IMMP1L: variants seen among roughly 807,000 people sequenced by gnomAD.
The protein encoded by IMMP1L is inner mitochondrial membrane peptidase subunit 1, also known as mitochondrial inner membrane protease subunit 1.
Under a neutral mutation model 21.8 loss-of-function variants are expected in IMMP1L, and 24 were observed. The ratio of observed to expected loss-of-function variants is 1.10; its 90% CI spans 0.80 to 1.55. IMMP1L has a LOEUF of 1.55. Among genes scored for constraint, IMMP1L ranks in the 40% most tolerant of loss-of-function variants. IMMP1L has a pLI of 0.00. For missense variants in IMMP1L, 195 were observed against 200.7 expected (o/e 0.97, Z 0.17); for synonymous variants, 46 against 62.8 (o/e 0.73, Z 1.26).
intron 1 of IMMP1L, among the ~76,000 whole-genome samples, chr11:31,485,643 G>GTT (rs1955047764): frequency 1.3e-5 from 2 of 151,856 alleles, no homozygotes; most frequent in Admixed American, 1.3e-4. Flanking sequence ...AGGCAAATGC[G>GTT]TTGATTTTAA....
intron 4 of IMMP1L, among the ~76,000 whole-genome samples, chr11:31,439,475 T>TA (rs1432177206): frequency 1.3e-5 from 2 of 152,194 alleles, no homozygotes; most frequent in Non-Finnish European, 2.9e-5. Flanking sequence ...TCCTCAAAAA[T>TA]AGTTAGAATT....
chr11:31,453,112 C>CTGAT (rs1953814456), intron 4 of IMMP1L: 1 of 1,288,876 alleles, frequency 7.8e-7, no homozygotes, highest in South Asian at 1.2e-5. Flanking sequence ...AAAAATAAAG[C>CTGAT]TGATTTATAA....
intron 4 of IMMP1L, among the ~76,000 whole-genome samples, chr11:31,439,626 T>G (rs190834404): frequency 6.6e-6 from 1 of 152,326 alleles, no homozygotes; most frequent in South Asian, 2.1e-4. Context: ...GACACTCACT[T>G]GCTGAGTAGA....
At chr11:31,464,738 ATCACT>A (rs1225051403) in intron 1 of IMMP1L, among the ~76,000 whole-genome samples, 1 of 152,202 alleles carries the variant, frequency 6.6e-6, no homozygotes, top group African/African-American at 2.4e-5. Flanking sequence ...AAATTTCAAC[ATCACT>A]TCACGATACA....
intron 4 of IMMP1L, among the ~76,000 whole-genome samples, chr11:31,447,795 T>C (rs1386924281): frequency 6.6e-6 from 1 of 152,218 alleles, no homozygotes; most frequent in African/African-American, 2.4e-5. Context: ...ATACCTGCTT[T>C]TGTATCTATT....
intron 1 of IMMP1L, among the ~76,000 whole-genome samples, chr11:31,487,224 T>C (rs974534773): frequency 4.6e-5 from 7 of 152,024 alleles, no homozygotes; most frequent in Admixed American, 6.6e-5. Context: ...AAGAAATAAG[T>C]TACTATGCCT....
chr11:31,455,801 T>C (rs1263281631), intron 4 of IMMP1L, among the ~76,000 whole-genome samples: 1 of 152,188 alleles, frequency 6.6e-6, no homozygotes, highest in African/African-American at 2.4e-5. Context: ...ATTGAGGTTG[T>C]AACTTTTTTT....
At chr11:31,434,706 G>A (rs1261411037) in intron 4 of IMMP1L, among the ~76,000 whole-genome samples, 1 of 151,968 alleles carries the variant, frequency 6.6e-6, no homozygotes, top group African/African-American at 2.4e-5. Flanking sequence ...AAAGTCTTAT[G>A]TACAAATATT....
rs1726157490 is a variant in IMMP1L, at chr11:31,509,521, C to T, written c.-32G>A. On this transcript the variant is annotated splice_region_variant and 5_prime_UTR_variant, in exon 1 of 6. Coordinates refer to ENST00000532287, the MANE Select transcript of IMMP1L (RefSeq NM_001304274.2). ...GAACGTTACGTGATATTACCTACCT[C>T]GGGCCCCAAAGAACCCTGGAGACCC... is the stretch of plus-strand genomic sequence containing the variant. The T allele has an allele frequency of 1.8e-6, 1 of 540,970 alleles. No individual in the cohort carries two copies. The highest frequency in any genetic ancestry group is 3.3e-6 in the Non-Finnish European group (1 of 299,978). The allele number at this position is 540,970 out of a possible 1,614,324, so 33.5% of individuals were successfully genotyped here. A position where few individuals can be genotyped will look rare whatever the true frequency, so the allele number is the denominator to read the frequency against.
intron 4 of IMMP1L, among the ~76,000 whole-genome samples, chr11:31,441,106 T>C (rs975324963): frequency 1.2e-4 from 18 of 152,152 alleles, no homozygotes; most frequent in African/African-American, 4.3e-4. Flanking sequence ...AAAATATATA[T>C]TTCAAAATAT....
chr11:31,473,094 G>A (rs964517730), intron 1 of IMMP1L, among the ~76,000 whole-genome samples: 1 of 152,030 alleles, frequency 6.6e-6, no homozygotes, highest in East Asian at 1.9e-4. Flanking sequence ...CTGTCGCCCA[G>A]GCTGGAGTGT....
chr11:31,505,424 G>A (rs1955745686), intron 1 of IMMP1L, among the ~76,000 whole-genome samples: 1 of 152,180 alleles, frequency 6.6e-6, no homozygotes, highest in East Asian at 1.9e-4. Context: ...AGTGCCAGAT[G>A]ATGAGAAAGA....
At chr11:31,457,160 A>C (rs1454912523) in intron 3 of IMMP1L, among the ~76,000 whole-genome samples, 1 of 152,096 alleles carries the variant, frequency 6.6e-6, no homozygotes, top group Non-Finnish European at 1.5e-5. Context: ...ATTTGAGAAA[A>C]AAAATCAAAA....
intron 4 of IMMP1L, among the ~76,000 whole-genome samples, chr11:31,454,134 T>A (rs1176810216): frequency 2.0e-5 from 3 of 152,162 alleles, no homozygotes; most frequent in Non-Finnish European, 4.4e-5. Flanking sequence ...ACCAAGATTA[T>A]TAGAATGATG....
intron 1 of IMMP1L, among the ~76,000 whole-genome samples, chr11:31,471,173 T>G (rs1000918309): frequency 1.3e-5 from 2 of 152,252 alleles, no homozygotes; most frequent in African/African-American, 4.8e-5. Flanking sequence ...TTAATTACTC[T>G]GATTTGATCA....
At chr11:31,496,892 T>C (rs994126867) in intron 1 of IMMP1L, among the ~76,000 whole-genome samples, 4 of 148,040 alleles carry the variant, frequency 2.7e-5, no homozygotes, top group Admixed American at 1.4e-4. Context: ...ATATATATGA[T>C]CTTATATCAT....
At chr11:31,490,457 C>A (rs910657460) in intron 1 of IMMP1L, among the ~76,000 whole-genome samples, 1 of 147,762 alleles carries the variant, frequency 6.8e-6, no homozygotes, top group Non-Finnish European at 1.5e-5. Context: ...GGTGACAAAG[C>A]GAGACTCCAT....
intron 4 of IMMP1L, among the ~76,000 whole-genome samples, chr11:31,440,907 A>G (rs577664586): frequency 2.0e-4 from 30 of 152,192 alleles, no homozygotes; most frequent in African/African-American, 6.7e-4. Flanking sequence ...TCACTATGGT[A>G]TTTTCTGCAT....
intron 4 of IMMP1L, among the ~76,000 whole-genome samples, chr11:31,439,785 C>T (rs1467032676): frequency 6.6e-6 from 1 of 152,092 alleles, no homozygotes; most frequent in African/African-American, 2.4e-5. Context: ...ATTCTAAGGG[C>T]TATTTTAGTC....
Sources: allele counts gnomAD v4.1 joint callset (sites outside exome capture counted in the v4.1 genomes callset), GRCh38; gene constraint gnomAD v4.1.1; transcripts MANE v1.5; gene names NCBI Gene and HGNC (gene_info 2026-07-23, HGNC 2026-07-21).